CNTN3: variants seen among roughly 807,000 people sequenced by gnomAD.
CNTN3 encodes the protein contactin 3, also known as contactin-3.
In CNTN3, 60 loss-of-function variants were observed where a neutral mutation model predicts 119.1. The ratio of observed to expected loss-of-function variants is 0.50; its 90% confidence interval spans 0.41 to 0.62. CNTN3 has a LOEUF of 0.62. CNTN3 is among the 20% of genes least tolerant of loss of function. The pLI, the probability that CNTN3 is intolerant of heterozygous loss-of-function variation, is 0.00. For synonymous variants in CNTN3, 450 were observed against 438.7 expected, an observed-to-expected ratio of 1.03 and a Z score of -0.32; for missense variants, 1,101 against 1,242.4, an observed-to-expected ratio of 0.89 and a Z score of 1.71.
intron 5 of CNTN3, among the ~76,000 whole-genome samples, chr3:74,417,425 ATATT>A (rs1429003576): frequency 2.6e-5 from 4 of 152,236 alleles, no homozygotes; most frequent in African/African-American, 9.6e-5. Flanking sequence ...GTGAAGACAC[ATATT>A]TATTATAGTA....
At chr3:74,561,616 T>A (rs1342685079) in intron 1 of CNTN3, among the ~76,000 whole-genome samples, 2 of 152,132 alleles carry the variant, frequency 1.3e-5, no homozygotes, top group Non-Finnish European at 2.9e-5. Context: ...AGTGTCCTTC[T>A]TCCCCTCACG....
chr3:74,566,431 G>A (rs1490474879), intron 1 of CNTN3, among the ~76,000 whole-genome samples: 1 of 152,184 alleles, frequency 6.6e-6, no homozygotes, highest in African/African-American at 2.4e-5. Flanking sequence ...GAGGAGAGAT[G>A]CCTAAAATGA....
At chr3:74,583,285 T>G (rs1435829381) in intron 1 of CNTN3, among the ~76,000 whole-genome samples, 1 of 151,750 alleles carries the variant, frequency 6.6e-6, no homozygotes, top group Non-Finnish European at 1.5e-5. Flanking sequence ...AGTCAAACAA[T>G]AATAACTCGA....
At chr3:74,580,323 A>G (rs1002902317) in intron 1 of CNTN3, among the ~76,000 whole-genome samples, 6 of 152,170 alleles carry the variant, frequency 3.9e-5, no homozygotes, top group African/African-American at 1.4e-4. Flanking sequence ...GAAAATATCA[A>G]TCTTACAAAA....
At chr3:74,363,045 T>C (rs755742028) in intron 10 of CNTN3, among the ~76,000 whole-genome samples, 1 of 152,200 alleles carries the variant, frequency 6.6e-6, no homozygotes, top group Non-Finnish European at 1.5e-5. Flanking sequence ...ACACCATACA[T>C]TGAGTAGGAC....
chr3:74,602,705 T>C (rs924995471), intron 1 of CNTN3, among the ~76,000 whole-genome samples: 2 of 152,034 alleles, frequency 1.3e-5, no homozygotes, highest in African/African-American at 2.4e-5. Flanking sequence ...TCAAGAGAGG[T>C]AGAATACACA....
intron 1 of CNTN3, among the ~76,000 whole-genome samples, chr3:74,567,095 A>C (rs935824312): frequency 2.0e-5 from 3 of 152,038 alleles, no homozygotes; most frequent in African/African-American, 7.2e-5. Flanking sequence ...ACAAGGGGCC[A>C]CATAATGCGT....
At chr3:74,548,104 A>T (rs936697818) in intron 1 of CNTN3, among the ~76,000 whole-genome samples, 2 of 152,100 alleles carry the variant, frequency 1.3e-5, no homozygotes, top group Non-Finnish European at 2.9e-5. Flanking sequence ...CCACCCCAAG[A>T]TCTATTTCTG....
rs565014143 is a variant in CNTN3, at chr3:74,352,466, GC to G, written c.1364+9423del. 9.9e-5 allele frequency among the ~76,000 whole-genome samples: 15 copies of G among 152,268 alleles called. No homozygotes were observed. In the South Asian group the frequency reaches 3.1e-3, roughly 32 times the overall value. ...TGTCTTGGAGGTAATTACTAACAGT[GC>G]CCCCTTTCCCTTCTAAAATGTCCCA... On this transcript the variant is annotated intron_variant, in intron 11 of 22. Transcript: ENST00000263665.
chr3:74,432,261 T>A (rs1701796010), intron 4 of CNTN3, among the ~76,000 whole-genome samples: 1 of 152,130 alleles, frequency 6.6e-6, no homozygotes, highest in Non-Finnish European at 1.5e-5. Flanking sequence ...TGCAATTCAG[T>A]TATGGTTTTC....
At chr3:74,583,313 T>A (rs181351957) in intron 1 of CNTN3, among the ~76,000 whole-genome samples, 1 of 151,778 alleles carries the variant, frequency 6.6e-6, no homozygotes, top group African/African-American at 2.4e-5. Flanking sequence ...ATGAAACAAA[T>A]GTCCATGAGC....
chr3:74,281,386 A>G (rs1702006040), intron 20 of CNTN3, among the ~76,000 whole-genome samples: 1 of 152,114 alleles, frequency 6.6e-6, no homozygotes, highest in Non-Finnish European at 1.5e-5. Flanking sequence ...GCTGAAGTGC[A>G]GTGGCACAAT....
At chr3:74,438,553 C>A (rs952141342) in intron 4 of CNTN3, among the ~76,000 whole-genome samples, 1 of 152,210 alleles carries the variant, frequency 6.6e-6, no homozygotes, top group South Asian at 2.1e-4. Context: ...TCCTTTGAGG[C>A]CTTCAACAAC....
chr3:74,358,387 T>G (rs1181435415), intron 11 of CNTN3, among the ~76,000 whole-genome samples: 1 of 151,478 alleles, frequency 6.6e-6, no homozygotes, highest in Non-Finnish European at 1.5e-5. Context: ...TATTTTCCTC[T>G]CTCTCCTTAA....
intron 16 of CNTN3, 83 bp from the exon 17 acceptor site, chr3:74,300,021 T>A: frequency 1.2e-6 from 1 of 827,972 alleles, no homozygotes; most frequent in South Asian, 2.7e-5. Context: ...GTTTTTTTAA[T>A]ATTTAAAATA....
chr3:74,390,000 A>C (rs920893752), intron 5 of CNTN3, among the ~76,000 whole-genome samples: 1 of 152,150 alleles, frequency 6.6e-6, no homozygotes, highest in Admixed American at 6.5e-5. Flanking sequence ...GACAACACTA[A>C]ACCTTTGCCT....
chr3:74,471,611 T>C (rs1702568156), intron 4 of CNTN3, among the ~76,000 whole-genome samples: 1 of 152,192 alleles, frequency 6.6e-6, no homozygotes, highest in African/African-American at 2.4e-5. Flanking sequence ...ATGGTTTACA[T>C]AAACTTGAAC....
intron 5 of CNTN3, among the ~76,000 whole-genome samples, chr3:74,408,294 GGA>G (rs1359356547): frequency 1.3e-5 from 2 of 152,052 alleles, no homozygotes; most frequent in African/African-American, 4.8e-5. Flanking sequence ...TTAAAAAAAA[GGA>G]AAACAAAATT....
At chr3:74,303,118 C>G (rs996153479) in intron 13 of CNTN3, among the ~76,000 whole-genome samples, 6 of 152,184 alleles carry the variant, frequency 3.9e-5, no homozygotes, top group Admixed American at 1.3e-4. Flanking sequence ...ACCAGGGTGA[C>G]ACTTCTTTTT....
Sources: allele counts gnomAD v4.1 joint callset (sites outside exome capture counted in the v4.1 genomes callset), GRCh38; gene constraint gnomAD v4.1.1; transcripts MANE v1.5; gene names NCBI Gene and HGNC (gene_info 2026-07-23, HGNC 2026-07-21).